Variants in PLAUR observed in about 807,000 individuals in gnomAD.
PLAUR encodes plasminogen activator, urokinase receptor, also known as urokinase plasminogen activator surface receptor.
PLAUR carries 22 observed loss-of-function variants against 33.4 expected under a neutral mutation model. The observed-to-expected ratio is 0.66, with a 90% CI of 0.47 to 0.94. The LOEUF (loss-of-function observed/expected upper bound fraction) is 0.94. Among genes scored for constraint, PLAUR ranks in the 40% least tolerant of loss-of-function variants. The pLI, the probability that PLAUR is intolerant of heterozygous loss-of-function variation, is 0.00. For missense variants in PLAUR, 408 were observed against 434.7 expected (o/e 0.94, Z 0.55); for synonymous variants, 148 against 167.3 (o/e 0.88, Z 0.89).
chr19:43,662,683 T>C (rs1391955822), intron 3 of PLAUR, among the ~76,000 whole-genome samples: 2 of 150,816 alleles, frequency 1.3e-5, no homozygotes, highest in Non-Finnish European at 2.9e-5. Flanking sequence ...GCCACCTTTG[T>C]ATCTGCTGCT....
At chr19:43,651,695 C>G (rs1251065624) in intron 6 of PLAUR, 1 of 508,646 alleles carries the variant, frequency 2.0e-6, no homozygotes, top group African/African-American at 2.1e-5. Context: ...CTCACCCTCC[C>G]AAGGTGTTGC....
Position 43,665,064 on chromosome 19 carries a change from G to C in PLAUR, c.310+252C>G, listed in dbSNP as rs139451659. The C allele has an allele frequency of 1.5e-3, 766 of 524,456 alleles. 2 individuals are homozygous for C. The highest frequency in any genetic ancestry group is 0.013 in the African/African-American group (699 of 52,792). 32.5% of individuals were successfully genotyped at this position (524,456 alleles called of 1,614,324 possible). On this transcript the variant is annotated intron_variant, in intron 3 of 6. Coordinates refer to ENST00000340093, the MANE Select transcript of PLAUR (RefSeq NM_002659.4). Reference sequence around the variant, plus strand: ...GTGCTTGGAACAGGGCTGGGTTTGAGTTGGGAACAGTGTTAGGGTAACATG... The same window carrying C: ...GTGCTTGGAACAGGGCTGGGTTTGACTTGGGAACAGTGTTAGGGTAACATG...
chr19:43,647,938 C>CTTTTT (rs564922094), downstream of PLAUR, among the ~76,000 whole-genome samples: 3 of 133,206 alleles, frequency 2.3e-5, no homozygotes, highest in African/African-American at 8.3e-5. Flanking sequence ...TTAGAGAGCC[C>CTTTTT]TTTTTTTTTT....
At chr19:43,653,513 C>T (rs781371218) in intron 5 of PLAUR, among the ~76,000 whole-genome samples, 4 of 152,022 alleles carry the variant, frequency 2.6e-5, no homozygotes, top group African/African-American at 4.8e-5. Context: ...ACCAAATGAA[C>T]GTCAGCACAG....
intron 1 of PLAUR, among the ~76,000 whole-genome samples, chr19:43,669,564 C>T (rs1967428635): frequency 6.6e-6 from 1 of 152,172 alleles, no homozygotes; most frequent in African/African-American, 2.4e-5. Flanking sequence ...GTAATCCCAG[C>T]AGTTTGGGAG....
chr19:43,649,027 T>C lies in PLAUR; in HGVS notation c.871A>G (p.Ser291Gly), dbSNP rs1408626941. The part of the protein sequence containing the change: ...NHIDVSCCTK[S>G]GCNHPDLDVQ... ...TCCAGGTCTGGGTGGTTACAGCCAC[T>C]TTTAGTACAGCAGGAGACATCAATG... is the stretch of plus-strand genomic sequence containing the variant. The change falls in exon 7 of 7, where the codon AGT (serine) becomes GGT (glycine). Residue 291 changes from serine (S) to glycine (G), a missense_variant. By Grantham distance (56) the Ser-to-Gly change is moderately conservative. Transcript: ENST00000340093. 2 of 1,614,086 alleles carry C rather than the reference T, an allele frequency of 1.2e-6. No homozygotes were observed. Among genetic ancestry groups the C allele is most frequent in the African/African-American group, 2.7e-5 (2 of 74,928 alleles).
chr19:43,653,790 G>A (rs1442591000), intron 5 of PLAUR, among the ~76,000 whole-genome samples: 4 of 152,000 alleles, frequency 2.6e-5, no homozygotes, highest in Admixed American at 2.0e-4. Flanking sequence ...TACCAGCCCC[G>A]GCAACATAGT....
chr19:43,655,208 C>T lies in PLAUR; in HGVS notation c.607+231G>A, dbSNP rs914520240. Among the ~76,000 whole-genome samples, 10 of 136,326 alleles carry T rather than the reference C, an allele frequency of 7.3e-5. No homozygotes were observed. In the East Asian group the frequency reaches 1.1e-3, roughly 16 times the overall value. The allele number at this position is 136,326 out of a possible 152,430, so 89.4% of individuals were successfully genotyped here. A position where few individuals can be genotyped will look rare whatever the true frequency, so the allele number is the denominator to read the frequency against. ...AGGAGAATCGCTTGAACTCGTGAGG[C>T]GAAGTTTACAGTGAGCGGAGATCAC... On this transcript the variant is annotated intron_variant, in intron 5 of 6. Coordinates refer to ENST00000340093, the MANE Select transcript of PLAUR (RefSeq NM_002659.4).
intron 4 of PLAUR, 121 bp downstream of exon 4, chr19:43,656,358 C>A (rs1282041622): frequency 1.3e-5 from 11 of 870,774 alleles, no homozygotes; most frequent in Non-Finnish European, 1.9e-5. Context: ...CACTGGACCT[C>A]TTGTGTATGA....
Position 43,656,656 on chromosome 19 carries a change from G to A in PLAUR, c.311-16C>T. 1.3e-6 allele frequency: 2 copies of A among 1,573,300 alleles called. No homozygotes were observed. The highest frequency in any genetic ancestry group is 1.2e-5 in the South Asian group (1 of 85,912). On this transcript the variant is annotated splice_polypyrimidine_tract_variant and intron_variant, in intron 3 of 6. Coordinates refer to ENST00000340093, the MANE Select transcript of PLAUR (RefSeq NM_002659.4). ...ACAGCCCGGCCTGTTTGGAAGAGGG[G>A]GAGGGGAGTGAGACTCCATGGGGAC...
In PLAUR at chr19:43,652,388, A is replaced by C. The variant is rs1272741557; in HGVS notation, c.608-17T>G. On this transcript the variant is annotated splice_polypyrimidine_tract_variant and intron_variant, in intron 5 of 6. Coordinates refer to ENST00000340093, the MANE Select transcript of PLAUR (RefSeq NM_002659.4). ...GCTCCAGGACTTAGGAGAAGACCAGAGACACAGAGACCAAGAAAATTAGTG... is the reference window on the plus strand; with the variant it reads ...GCTCCAGGACTTAGGAGAAGACCAGCGACACAGAGACCAAGAAAATTAGTG... 2 of 1,610,686 alleles carry C rather than the reference A, an allele frequency of 1.2e-6. No individual in the cohort carries two copies. Among genetic ancestry groups the C allele is most frequent in the East Asian group, 2.2e-5 (1 of 44,756 alleles).
chr19:43,654,403 G>A (rs1205106219), intron 5 of PLAUR, among the ~76,000 whole-genome samples: 3 of 152,108 alleles, frequency 2.0e-5, no homozygotes, highest in Non-Finnish European at 4.4e-5. Context: ...TAAGAGGAAG[G>A]GGAAGTCATT....
At chr19:43,654,748 A>G (rs1245108186) in intron 5 of PLAUR, among the ~76,000 whole-genome samples, 1 of 151,896 alleles carries the variant, frequency 6.6e-6, no homozygotes, top group Non-Finnish European at 1.5e-5. Context: ...ATACCCCCCA[A>G]AAAATCACTC....
At chr19:43,650,954 A>G (rs953947762) in intron 6 of PLAUR, among the ~76,000 whole-genome samples, 1 of 148,144 alleles carries the variant, frequency 6.8e-6, no homozygotes, top group Non-Finnish European at 1.5e-5. Context: ...GATTGCTTGA[A>G]CCCAGGAGGG....
intron 4 of PLAUR, 74 bp from the exon 5 acceptor site, chr19:43,655,647 G>C: frequency 2.9e-6 from 4 of 1,384,832 alleles, no homozygotes. Flanking sequence ...GCCCGAAATA[G>C]CAGGCATTCA....
intron 1 of PLAUR, among the ~76,000 whole-genome samples, chr19:43,669,809 CAAAA>C (rs59728904): frequency 0.018 from 1,261 of 71,300 alleles, 23 homozygotes; most frequent in African/African-American, 0.063. Context: ...GAGACTCTGT[CAAAA>C]AAAAAAAAAA....
At chr19:43,655,009 C>T (rs1974143332) in intron 5 of PLAUR, among the ~76,000 whole-genome samples, 1 of 152,092 alleles carries the variant, frequency 6.6e-6, no homozygotes, top group Non-Finnish European at 1.5e-5. Context: ...GGTGCAGTGG[C>T]TCATGCCTGT....
intron 1 of PLAUR, 118 bp downstream of exon 1, chr19:43,669,948 T>C (rs1297657255): frequency 1.2e-5 from 11 of 926,582 alleles, no homozygotes; most frequent in Non-Finnish European, 1.8e-5. Flanking sequence ...ATTACTATTA[T>C]TTGATTAGGG....
chr19:43,652,842 G>A (rs1003482877), intron 5 of PLAUR, among the ~76,000 whole-genome samples: 1 of 151,862 alleles, frequency 6.6e-6, no homozygotes, highest in African/African-American at 2.4e-5. Flanking sequence ...GTAGAGATGG[G>A]GTTTTGACAC....
Sources: gnomAD v4.1 joint callset for allele counts (sites outside exome capture counted in the v4.1 genomes callset) on GRCh38, gnomAD v4.1.1 for gene constraint, MANE v1.5 for transcripts, NCBI Gene and HGNC (gene_info 2026-07-23, HGNC 2026-07-21) for gene names.